Variants in CACNB2 observed in about 807,000 individuals in gnomAD.
CACNB2 encodes calcium voltage-gated channel auxiliary subunit beta 2.
In CACNB2, 42 loss-of-function variants were observed where a neutral mutation model predicts 73.3. The ratio of observed to expected loss-of-function variants is 0.57; its 90% confidence interval spans 0.45 to 0.74. The LOEUF is 0.74. Among genes scored for constraint, CACNB2 ranks in the 30% least tolerant of loss-of-function variants. The pLI, the probability that CACNB2 is intolerant of heterozygous loss-of-function variation, is 0.00. For missense variants in CACNB2, 940 were observed against 853.0 expected (o/e 1.10, Z -1.27); for synonymous variants, 348 against 310.3 (o/e 1.12, Z -1.28).
intron 2 of CACNB2, among the ~76,000 whole-genome samples, chr10:18,327,038 A>AT (rs34029573): frequency 0.26 from 40,104 of 151,448 alleles, 5,525 homozygotes; most frequent in Middle Eastern, 0.33. Flanking sequence ...GAAAGTAATG[A>AT]TTTTTTTTTA....
chr10:18,255,809 A>G (rs942041395), intron 2 of CACNB2, among the ~76,000 whole-genome samples: 1 of 152,224 alleles, frequency 6.6e-6, no homozygotes, highest in Non-Finnish European at 1.5e-5. Flanking sequence ...AATCGCAGCC[A>G]CAGAAAAGCC....
At chr10:18,379,216 AT>A (rs1589187949) in intron 2 of CACNB2, among the ~76,000 whole-genome samples, 1 of 151,938 alleles carries the variant, frequency 6.6e-6, no homozygotes, top group Non-Finnish European at 1.5e-5. Flanking sequence ...TTATTTATTT[AT>A]TTTTTGTTTG....
chr10:18,532,714 CAA>C (rs1175798896), intron 10 of CACNB2, among the ~76,000 whole-genome samples: 1 of 103,984 alleles, frequency 9.6e-6, no homozygotes, highest in Non-Finnish European at 2.1e-5. Flanking sequence ...AAAAAACAAA[CAA>C]ACAAAAAAAA....
At chr10:18,431,118 G>C (rs2045869563) in intron 3 of CACNB2, among the ~76,000 whole-genome samples, 1 of 152,000 alleles carries the variant, frequency 6.6e-6, no homozygotes, top group Admixed American at 6.6e-5. Flanking sequence ...GGGTAGCTGA[G>C]ATACAGGAGT....
chr10:18,542,601 G>A lies in CACNB2; in HGVS notation c.*2877G>A, dbSNP rs1040894023. Reference sequence around the variant, plus strand: ...CTAGATTCTTAGCTTGCACTTTACTGTAGAACATATTAGTGCAAATCAGAA... The same window carrying A: ...CTAGATTCTTAGCTTGCACTTTACTATAGAACATATTAGTGCAAATCAGAA... On this transcript the variant is annotated 3_prime_UTR_variant, in exon 14 of 14. Coordinates refer to ENST00000324631, the MANE Select transcript of CACNB2 (RefSeq NM_201596.3). The A allele has an allele frequency of 1.6e-4, 25 of 152,078 alleles. No individual in the cohort carries two copies. Among genetic ancestry groups the A allele is most frequent in the African/African-American group, 5.6e-4 (23 of 41,394 alleles). The allele number at this position is 152,078 out of a possible 1,614,324, so 9.4% of individuals were successfully genotyped here. A position where few individuals can be genotyped will look rare whatever the true frequency, so the allele number is the denominator to read the frequency against.
Position 18,259,570 on chromosome 10 carries a change from A to AAGAAAAC in CACNB2, c.213+108596_213+108597insGAAAACA, listed in dbSNP as rs35528466. On this transcript the variant is annotated intron_variant, in intron 2 of 13. Coordinates refer to ENST00000324631, the MANE Select transcript of CACNB2 (RefSeq NM_201596.3). ...AAAAAAAACAAAAAACAAACAAAAA[A>AAGAAAAC]AAAAAGTAAAAGTAGCCAGGCATGG... Among the ~76,000 whole-genome samples, 8 of 116,990 alleles carry AAGAAAAC rather than the reference A, an allele frequency of 6.8e-5. 1 individual carries two copies. Among genetic ancestry groups the AAGAAAAC allele is most frequent in the African/African-American group, 1.3e-4 (4 of 29,930 alleles). 76.7% of individuals were successfully genotyped at this position (116,990 alleles called of 152,430 possible). A position where few individuals can be genotyped will look rare whatever the true frequency, so the allele number is the denominator to read the frequency against.
In CACNB2 at chr10:18,464,859, G is replaced by T. The variant is rs142605550; in HGVS notation, c.334-33496G>T. 1.6e-4 allele frequency among the ~76,000 whole-genome samples: 25 copies of T among 152,356 alleles called. No homozygotes were observed. The East Asian group carries it at 3.5e-3, about 21-fold the overall frequency. On this transcript the variant is annotated intron_variant, in intron 3 of 13. Coordinates refer to ENST00000324631, the MANE Select transcript of CACNB2 (RefSeq NM_201596.3). ...ATGTATTTAGTGGTTAGAACATGCA[G>T]ATTCTAGTGAACCAATGCAAAGTGG...
chr10:18,274,067 T>C (rs2131660642), intron 2 of CACNB2, among the ~76,000 whole-genome samples: 1 of 152,322 alleles, frequency 6.6e-6, no homozygotes, highest in Middle Eastern at 3.4e-3. Flanking sequence ...TACTAACCTC[T>C]AACTTTGACA....
chr10:18,446,286 T>G (rs901333274), intron 3 of CACNB2, among the ~76,000 whole-genome samples: 2 of 152,204 alleles, frequency 1.3e-5, no homozygotes, highest in East Asian at 3.9e-4. Flanking sequence ...GATTGACTAT[T>G]TTCTTTCATT....
At chr10:18,523,004 C>T (rs2052079909) in intron 9 of CACNB2, among the ~76,000 whole-genome samples, 1 of 150,616 alleles carries the variant, frequency 6.6e-6, no homozygotes, top group Admixed American at 6.6e-5. Context: ...TAATCAAGGT[C>T]TTCTAACCAA....
intron 3 of CACNB2, among the ~76,000 whole-genome samples, chr10:18,433,124 GATAT>G (rs68101548): frequency 5.9e-4 from 88 of 148,260 alleles, no homozygotes; most frequent in Non-Finnish European, 7.0e-4. Context: ...TGCGTGTATT[GATAT>G]ATATATATAT....
intron 2 of CACNB2, among the ~76,000 whole-genome samples, chr10:18,341,446 A>T (rs920941174): frequency 6.6e-6 from 1 of 152,204 alleles, no homozygotes; most frequent in Non-Finnish European, 1.5e-5. Context: ...TAAAATACAA[A>T]CATGACAGTC....
At chr10:18,370,415 A>G (rs1195802976) in intron 2 of CACNB2, among the ~76,000 whole-genome samples, 3 of 152,166 alleles carry the variant, frequency 2.0e-5, no homozygotes, top group Non-Finnish European at 4.4e-5. Flanking sequence ...CTCTTGCCTC[A>G]GCCTCCCCAG....
At chr10:18,193,238 T>A (rs2034481799) in intron 2 of CACNB2, among the ~76,000 whole-genome samples, 1 of 148,866 alleles carries the variant, frequency 6.7e-6, no homozygotes, top group African/African-American at 2.5e-5. Flanking sequence ...TATATAATAA[T>A]CCTGTGTGTA....
chr10:18,496,152 C>G (rs1431638882), intron 3 of CACNB2, among the ~76,000 whole-genome samples: 1 of 141,158 alleles, frequency 7.1e-6, no homozygotes, highest in African/African-American at 2.8e-5. Flanking sequence ...TGCCACTGCA[C>G]TCCAGCCTGG....
At chr10:18,358,688 A>C (rs2042030369) in intron 2 of CACNB2, among the ~76,000 whole-genome samples, 1 of 152,118 alleles carries the variant, frequency 6.6e-6, no homozygotes, top group African/African-American at 2.4e-5. Context: ...TAAATAGAGC[A>C]ATAGAGTATG....
rs548089736 is a variant in CACNB2 at position 18,240,041 on chromosome 10, T to C, written c.213+89066T>C. Reference sequence around the variant, plus strand: ...CATGACTTTTGGGTAGCTTCATATTTAAAAACTTTTTTAAAAATCTTCAGT... The same window carrying C: ...CATGACTTTTGGGTAGCTTCATATTCAAAAACTTTTTTAAAAATCTTCAGT... On this transcript the variant is annotated intron_variant, in intron 2 of 13. Coordinates refer to ENST00000324631, the MANE Select transcript of CACNB2 (RefSeq NM_201596.3). Among the ~76,000 whole-genome samples the C allele has an allele frequency of 2.0e-5, 3 of 152,302 alleles. No homozygotes were observed. In the East Asian group the frequency reaches 5.8e-4, roughly 29 times the overall value.
rs954919277 is a variant in CACNB2 at position 18,335,895 on chromosome 10, C to T, written c.214-66029C>T. ...AAAGGCATTGAAATTCCTATATGTT[C>T]CATTTAGAATTTCCATCCTCATCCT... On this transcript the variant is annotated intron_variant, in intron 2 of 13. Coordinates refer to ENST00000324631, the MANE Select transcript of CACNB2 (RefSeq NM_201596.3). Among the ~76,000 whole-genome samples the T allele has an allele frequency of 2.0e-5, 3 of 151,540 alleles. No individual in the cohort carries two copies. In the East Asian group the frequency reaches 5.8e-4, roughly 29 times the overall value.
At chr10:18,205,472 A>G (rs1212055347) in intron 2 of CACNB2, among the ~76,000 whole-genome samples, 2 of 152,258 alleles carry the variant, frequency 1.3e-5, no homozygotes, top group South Asian at 2.1e-4. Context: ...GAATTTTACT[A>G]TTTTTATTTC....
Sources: allele counts gnomAD v4.1 joint callset (sites outside exome capture counted in the v4.1 genomes callset), GRCh38; gene constraint gnomAD v4.1.1; transcripts MANE v1.5; gene names NCBI Gene and HGNC (gene_info 2026-07-23, HGNC 2026-07-21).